SFMBT2: variants seen among roughly 807,000 people sequenced by gnomAD.
SFMBT2 encodes the protein scm-like with four MBT domains protein 2.
A neutral mutation model predicts 110.1 loss-of-function variants in SFMBT2; 38 were observed. The observed-to-expected ratio is 0.35, with a 90% confidence interval of 0.27 to 0.45. The LOEUF (loss-of-function observed/expected upper bound fraction) is 0.45. Ranked by LOEUF, SFMBT2 falls within the 20% of genes least tolerant of loss-of-function variation. The pLI is 1.00. For missense variants in SFMBT2, 1,011 were observed against 1,094.9 expected (o/e 0.92, Z 1.08); for synonymous variants, 425 against 425.4 (o/e 1.00, Z 0.01).
chr10:7,345,224 T>C (rs1844071728), intron 4 of SFMBT2, among the ~76,000 whole-genome samples: 1 of 152,192 alleles, frequency 6.6e-6, no homozygotes, highest in East Asian at 1.9e-4. Flanking sequence ...ACAAATTCCA[T>C]GTCCCAGACC....
In SFMBT2 at chr10:7,205,411, T is replaced by C. The variant is rs181120689; in HGVS notation, c.1444+404A>G. The C allele has an allele frequency of 2.1e-4, 203 of 985,254 alleles. 2 individuals are homozygous for C. The African/African-American group carries it at 3.2e-3, about 15-fold the overall frequency. 61.0% of individuals were successfully genotyped at this position (985,254 alleles called of 1,614,324 possible). On this transcript the variant is annotated intron_variant, in intron 12 of 20. Coordinates refer to ENST00000397167, the MANE Select transcript of SFMBT2 (RefSeq NM_001387889.1). ...TAGCCTGGTTAAGTGTTTATAAGAA[T>C]GTCAGTATATTATTGGAACCAATTA...
chr10:7,336,909 G>A (rs934624218), intron 4 of SFMBT2, among the ~76,000 whole-genome samples: 2 of 152,104 alleles, frequency 1.3e-5, no homozygotes, highest in Admixed American at 1.3e-4. Flanking sequence ...GAGACAGAGG[G>A]TATTCAATGA....
At chr10:7,278,665 C>A (rs975045387) in intron 6 of SFMBT2, among the ~76,000 whole-genome samples, 10 of 152,150 alleles carry the variant, frequency 6.6e-5, no homozygotes, top group Non-Finnish European at 1.3e-4. Flanking sequence ...AATTTGAAGA[C>A]CCAACAGGTG....
rs2692798 is a variant in SFMBT2, at chr10:7,191,029, G to A, written c.1699-2296C>T. On this transcript the variant is annotated intron_variant, in intron 15 of 20. Coordinates refer to ENST00000397167, the MANE Select transcript of SFMBT2 (RefSeq NM_001387889.1). ...TCTCTCGTCTGCTGCCATGTAAGAC[G>A]TGCCTTTTGCCGTCTGCCATGATTG... 7.5e-3 allele frequency among the ~76,000 whole-genome samples: 1,134 copies of A among 150,846 alleles called. 10 individuals are homozygous for A. Among genetic ancestry groups the A allele is most frequent in the African/African-American group, 0.025 (1,014 of 41,176 alleles).
intron 2 of SFMBT2, 71 bp downstream of exon 2, chr10:7,381,728 C>T: frequency 6.6e-7 from 1 of 1,515,700 alleles, no homozygotes; most frequent in Non-Finnish European, 9.1e-7. Context: ...CCCATTGTTT[C>T]CTGAATACTT....
At chr10:7,324,254 A>G (rs1325943189) in intron 4 of SFMBT2, among the ~76,000 whole-genome samples, 9 of 152,228 alleles carry the variant, frequency 5.9e-5, no homozygotes, top group Non-Finnish European at 1.0e-4. Flanking sequence ...TCACACACAC[A>G]CACATTTTTT....
At chr10:7,195,313 C>G (rs979936960) in intron 15 of SFMBT2, among the ~76,000 whole-genome samples, 1 of 152,184 alleles carries the variant, frequency 6.6e-6, no homozygotes, top group Non-Finnish European at 1.5e-5. Context: ...CATTAACTAG[C>G]GGTCCTGCTG....
chr10:7,307,473 T>C (rs548146720), intron 4 of SFMBT2, among the ~76,000 whole-genome samples: 1 of 152,218 alleles, frequency 6.6e-6, no homozygotes, highest in East Asian at 1.9e-4. Context: ...AGATACAGTA[T>C]AGATAAAGAG....
In SFMBT2 at chr10:7,163,487, C is replaced by A; in HGVS notation, c.*283G>T. ...TCCAAGGGAGCTGCCTGATTTGGGG[C>A]AGGAGAAAGGCAAAACGTGGGTGAG... On this transcript the variant is annotated 3_prime_UTR_variant, in exon 21 of 21. Coordinates refer to ENST00000397167, the MANE Select transcript of SFMBT2 (RefSeq NM_001387889.1). The surrounding 1 kb of genome is among the most constrained non-coding windows in gnomAD (Gnocchi z 4.8). The A allele has an allele frequency of 2.8e-6, 1 of 359,784 alleles. No individual in the cohort carries two copies. The highest frequency in any genetic ancestry group is 5.1e-6 in the Non-Finnish European group (1 of 197,034). 22.3% of individuals were successfully genotyped at this position (359,784 alleles called of 1,614,324 possible).
At chr10:7,225,714 G>A (rs1839880361) in intron 10 of SFMBT2, among the ~76,000 whole-genome samples, 1 of 152,014 alleles carries the variant, frequency 6.6e-6, no homozygotes, top group Admixed American at 6.6e-5. Context: ...AGTGGGGCAA[G>A]GACTATACTG....
chr10:7,386,004 A>G (rs11816868), intron 1 of SFMBT2, among the ~76,000 whole-genome samples: 9,507 of 152,002 alleles, frequency 0.063, 1,018 homozygotes, highest in African/African-American at 0.22. Flanking sequence ...TCAAAAAAAC[A>G]TAACAAAAAA....
chr10:7,230,533 G>C (rs974695513), intron 9 of SFMBT2, among the ~76,000 whole-genome samples: 7 of 152,174 alleles, frequency 4.6e-5, no homozygotes. Flanking sequence ...CTGGAGAAGA[G>C]GGTATCTGGG....
At chr10:7,363,720 C>G (rs535092784) in intron 4 of SFMBT2, among the ~76,000 whole-genome samples, 5 of 152,206 alleles carry the variant, frequency 3.3e-5, no homozygotes, top group South Asian at 2.1e-4. Flanking sequence ...ACTAATACCC[C>G]CCTCATGCAA....
intron 4 of SFMBT2, among the ~76,000 whole-genome samples, chr10:7,319,896 CAGAGAGAGACTAAG>C (rs556164462): frequency 0.03 from 3,698 of 123,678 alleles, 61 homozygotes; most frequent in Middle Eastern, 0.047. Flanking sequence ...GACAGAGAGA[CAGAGAGAGACTAAG>C]AGAGAGAGAC....
intron 6 of SFMBT2, 129 bp from the exon 7 acceptor site, chr10:7,277,118 C>T: frequency 1.7e-6 from 1 of 603,392 alleles, no homozygotes. Flanking sequence ...TGTTCACACC[C>T]CATACCCACC....
intron 4 of SFMBT2, chr10:7,287,369 G>A (rs1369109414): frequency 3.3e-5 from 8 of 243,498 alleles, no homozygotes; most frequent in Non-Finnish European, 4.6e-5. Context: ...GTGAGCCACC[G>A]CACCCGGCCA....
At chr10:7,383,729 G>A (rs4748899) in intron 1 of SFMBT2, among the ~76,000 whole-genome samples, 80,730 of 151,836 alleles carry the variant, frequency 0.53, 22,068 homozygotes, top group East Asian at 0.74. Flanking sequence ...CGAGATTATC[G>A]CTCCCTCACT....
chr10:7,304,919 A>T (rs1456868179), intron 4 of SFMBT2, among the ~76,000 whole-genome samples: 1 of 152,114 alleles, frequency 6.6e-6, no homozygotes, highest in Non-Finnish European at 1.5e-5. Context: ...GGACAGTTGC[A>T]CCCCTGGGAG....
At chr10:7,317,294 C>T (rs1843043708) in intron 4 of SFMBT2, among the ~76,000 whole-genome samples, 3 of 152,038 alleles carry the variant, frequency 2.0e-5, no homozygotes, top group Admixed American at 2.0e-4. Flanking sequence ...AAAAAAAATC[C>T]TACAGAATTT....
Sources: allele counts gnomAD v4.1 joint callset (sites outside exome capture counted in the v4.1 genomes callset), GRCh38; gene constraint gnomAD v4.1.1; non-coding constraint Gnocchi (gnomAD v3.1); transcripts MANE v1.5; gene names NCBI Gene and HGNC (gene_info 2026-07-23, HGNC 2026-07-21).